The following NRXN1 variants were observed in gnomAD, a reference collection of about 807,000 sequenced individuals.
NRXN1 encodes neurexin-1.
A neutral mutation model predicts 150.9 loss-of-function variants in NRXN1; 39 were observed. The observed-to-expected ratio is 0.26, with a 90% confidence interval of 0.20 to 0.34. The LOEUF (loss-of-function observed/expected upper bound fraction) is 0.34, where lower values mean the gene tolerates loss of function less well. NRXN1 is among the 10% of genes least tolerant of loss of function. The pLI is 1.00. For synonymous variants in NRXN1, 924 were observed against 757.0 expected (o/e 1.22, Z -3.62); for missense variants, 1,815 against 1,949.9 (o/e 0.93, Z 1.30).
intron 5 of NRXN1, among the ~76,000 whole-genome samples, chr2:50,861,243 C>G (rs1171533333): frequency 6.6e-6 from 1 of 151,984 alleles, no homozygotes; most frequent in African/African-American, 2.4e-5. Flanking sequence ...GAGACAGAGT[C>G]TCTCTGTCTC....
At chr2:49,959,357 A>C (rs528830182) in intron 21 of NRXN1, among the ~76,000 whole-genome samples, 2 of 152,300 alleles carry the variant, frequency 1.3e-5, no homozygotes, top group Non-Finnish European at 2.9e-5. Flanking sequence ...TTTTACGTAG[A>C]ACCTGATGCA....
chr2:50,371,679 C>A (rs1156545954), intron 17 of NRXN1, among the ~76,000 whole-genome samples: 2 of 151,926 alleles, frequency 1.3e-5, no homozygotes, highest in Non-Finnish European at 2.9e-5. Flanking sequence ...GCATTTTTTT[C>A]ATCTGTGCAT....
At chr2:50,585,070 C>A (rs939850325) in intron 8 of NRXN1, among the ~76,000 whole-genome samples, 13 of 152,076 alleles carry the variant, frequency 8.5e-5, no homozygotes. Flanking sequence ...TCACCCTCTT[C>A]CCACAGATCC....
At chr2:49,976,621 T>A (rs534597271) in intron 21 of NRXN1, among the ~76,000 whole-genome samples, 1 of 152,200 alleles carries the variant, frequency 6.6e-6, no homozygotes, top group Admixed American at 6.5e-5. Context: ...CTTTTTTTCA[T>A]GTAAAGAAAA....
At chr2:50,128,850 G>T (rs1327834088) in intron 18 of NRXN1, among the ~76,000 whole-genome samples, 1 of 151,806 alleles carries the variant, frequency 6.6e-6, no homozygotes, top group Admixed American at 6.6e-5. Context: ...GGGCATGGTG[G>T]CGGGCGCCTG....
Position 50,922,121 on chromosome 2 carries a change from T to G in NRXN1, c.821-241A>C, listed in dbSNP as rs1686134455. On this transcript the variant is annotated intron_variant, in intron 4 of 22. Transcript: ENST00000401669. ...AAAAACTGAAAGGCCCATGCTCAGTTTTAAAAGATCACACAAAAGAGAGAC... is the reference window on the plus strand; with the variant it reads ...AAAAACTGAAAGGCCCATGCTCAGTGTTAAAAGATCACACAAAAGAGAGAC... Among the ~76,000 whole-genome samples the G allele has an allele frequency of 2.0e-5, 3 of 151,968 alleles. No homozygotes were observed. The South Asian group carries it at 6.2e-4, about 32-fold the overall frequency.
intron 5 of NRXN1, among the ~76,000 whole-genome samples, chr2:50,736,785 C>T (rs577014260): frequency 1.3e-5 from 2 of 152,160 alleles, no homozygotes; most frequent in African/African-American, 4.8e-5. Flanking sequence ...CCTGGGTATG[C>T]CTTTATCAGG....
intron 17 of NRXN1, among the ~76,000 whole-genome samples, chr2:50,451,726 G>T (rs552796547): frequency 2.2e-4 from 34 of 152,248 alleles, no homozygotes; most frequent in African/African-American, 8.2e-4. Context: ...GGCAGAAAAT[G>T]GAATTTGAAA....
chr2:50,330,889 T>C (rs185846783), intron 17 of NRXN1, among the ~76,000 whole-genome samples: 1 of 152,166 alleles, frequency 6.6e-6, no homozygotes. Context: ...AGCTGGACAT[T>C]TAATATTCTT....
chr2:50,398,377 G>C (rs1006841551), intron 17 of NRXN1, among the ~76,000 whole-genome samples: 2 of 151,844 alleles, frequency 1.3e-5, no homozygotes, highest in Admixed American at 1.3e-4. Flanking sequence ...AACTAAAAAG[G>C]GTATACTATT....
intron 5 of NRXN1, among the ~76,000 whole-genome samples, chr2:50,775,273 C>T (rs949104795): frequency 3.3e-5 from 5 of 152,022 alleles, no homozygotes; most frequent in Admixed American, 6.6e-5. Context: ...ATTGTTCTCT[C>T]GGTATCCTGT....
chr2:50,755,128 A>G (rs949386111), intron 5 of NRXN1, among the ~76,000 whole-genome samples: 12 of 151,802 alleles, frequency 7.9e-5, no homozygotes, highest in Non-Finnish European at 1.8e-4. Flanking sequence ...TCCCCGCCAG[A>G]GCCTTCTTGA....
chr2:50,403,282 T>C (rs747209690), intron 17 of NRXN1, among the ~76,000 whole-genome samples: 15 of 152,148 alleles, frequency 9.9e-5, no homozygotes, highest in Non-Finnish European at 2.2e-4. Flanking sequence ...TGCTTGATAA[T>C]CATTAATGAT....
At chr2:50,966,497 T>C (rs1694109238) in intron 2 of NRXN1, among the ~76,000 whole-genome samples, 1 of 151,774 alleles carries the variant, frequency 6.6e-6, no homozygotes, top group Admixed American at 6.6e-5. Context: ...AAAGGTTACA[T>C]CTCTGGAAAA....
intron 19 of NRXN1, among the ~76,000 whole-genome samples, chr2:50,059,857 C>T (rs1171944035): frequency 6.6e-6 from 1 of 152,172 alleles, no homozygotes; most frequent in African/African-American, 2.4e-5. Flanking sequence ...GGTTTGGAAA[C>T]CTCTACCTAG....
intron 5 of NRXN1, among the ~76,000 whole-genome samples, chr2:50,694,424 T>C (rs1692523374): frequency 6.6e-6 from 1 of 152,198 alleles, no homozygotes; most frequent in African/African-American, 2.4e-5. Context: ...CTAAGCTGTA[T>C]ACTATAAAAA....
chr2:50,830,726 A>T (rs757544380), intron 5 of NRXN1, among the ~76,000 whole-genome samples: 13 of 149,578 alleles, frequency 8.7e-5, no homozygotes, highest in Non-Finnish European at 1.8e-4. Flanking sequence ...CCCATACTAG[A>T]TTCCTATAAG....
intron 21 of NRXN1, among the ~76,000 whole-genome samples, chr2:49,987,297 T>A (rs1386464482): frequency 1.3e-5 from 2 of 152,148 alleles, no homozygotes; most frequent in East Asian, 3.9e-4. Context: ...TGAAAATAAT[T>A]TTGACCTCAC....
chr2:50,922,658 C>T lies in NRXN1; in HGVS notation c.820G>A (p.Gly274Ser). ...AGTGGAAAAGGAACAGAGCCCATACCTTGGTCGCCCATCATCAGGTGCGCC... is the reference window on the plus strand; with the variant it reads ...AGTGGAAAAGGAACAGAGCCCATACTTTGGTCGCCCATCATCAGGTGCGCC... ...GLAHLMMGDQ[G>S]KSKGKEEYIA... Residue 274 changes from glycine to serine, a missense_variant and splice_region_variant, in exon 4 of 23, where the codon GGT becomes AGT. By Grantham distance (56) the Gly-to-Ser change is moderately conservative (BLOSUM62 0). This residue lies in a region of NRXN1 where 554 missense variants were observed against 478.8 expected (regional missense o/e 1.16). Coordinates refer to ENST00000401669, the MANE Select transcript of NRXN1 (RefSeq NM_001330078.2). 1.9e-6 allele frequency: 3 copies of T among 1,610,092 alleles called. No individual in the cohort carries two copies. The highest frequency in any genetic ancestry group is 2.5e-6 in the Non-Finnish European group (3 of 1,178,002).
Sources: gnomAD v4.1 joint callset for allele counts (sites outside exome capture counted in the v4.1 genomes callset) on GRCh38, gnomAD v4.1.1 for gene constraint, gnomAD v4.1.1 regional missense constraint, MANE v1.5 for transcripts, NCBI Gene and HGNC (gene_info 2026-07-23, HGNC 2026-07-21) for gene names.